Variants in STIM1 observed in about 807,000 individuals in gnomAD.
The protein encoded by STIM1 is stromal interaction molecule 1.
Under a neutral mutation model 74.7 loss-of-function variants are expected in STIM1, and 25 were observed. That is an observed-to-expected ratio of 0.33 (90% confidence interval 0.24 to 0.47). STIM1 has a LOEUF of 0.47. Ranked by LOEUF, STIM1 falls within the 20% of genes least tolerant of loss-of-function variation. The pLI, the probability that STIM1 is intolerant of heterozygous loss-of-function variation, is 1.00. For synonymous variants in STIM1, 328 were observed against 348.8 expected (o/e 0.94, Z 0.66); for missense variants, 728 against 920.8 (o/e 0.79, Z 2.71).
At position 4,041,779 on chromosome 11, in the gene STIM1, G is replaced by A. The variant is rs149769231; in HGVS notation, c.386-13747G>A. Among the ~76,000 whole-genome samples the A allele has an allele frequency of 4.0e-3, 603 of 152,112 alleles. 2 individuals are homozygous for A. The highest frequency in any genetic ancestry group is 0.014 in the African/African-American group (572 of 41,474). On this transcript the variant is annotated intron_variant, in intron 3 of 12. Coordinates refer to ENST00000526596, the MANE Select transcript of STIM1 (RefSeq NM_001382567.1). ...TAATTTTATTTTTTGTAGAGACGAG[G>A]TCTCACTTTGTTGCCCAGGCTGGTC... is the stretch of plus-strand genomic sequence containing the variant.
At chr11:3,872,096 A>G (rs2091119568) in intron 1 of STIM1, among the ~76,000 whole-genome samples, 1 of 152,124 alleles carries the variant, frequency 6.6e-6, no homozygotes, top group Non-Finnish European at 1.5e-5. Context: ...TCTGTCGCCC[A>G]GGCTGAAGCA....
At chr11:4,083,901 A>G (rs912322479) in intron 10 of STIM1, among the ~76,000 whole-genome samples, 2 of 152,206 alleles carry the variant, frequency 1.3e-5, no homozygotes, top group Admixed American at 6.5e-5. Context: ...AAGTAGATGA[A>G]TGGAATGATG....
At chr11:4,039,914 C>A (rs945436801) in intron 3 of STIM1, among the ~76,000 whole-genome samples, 3 of 151,878 alleles carry the variant, frequency 2.0e-5, no homozygotes, top group African/African-American at 7.3e-5. Context: ...TTTGCAGGTG[C>A]CCACGATGAC....
chr11:3,966,763 T>C (rs1182193987), intron 1 of STIM1, among the ~76,000 whole-genome samples: 1 of 152,228 alleles, frequency 6.6e-6, no homozygotes, highest in Non-Finnish European at 1.5e-5. Flanking sequence ...TTTCAGGCTC[T>C]TCCTATTGTG....
At chr11:3,956,895 A>T (rs114827545) in intron 1 of STIM1, among the ~76,000 whole-genome samples, 169 of 149,842 alleles carry the variant, frequency 1.1e-3, no homozygotes, top group African/African-American at 3.9e-3. Flanking sequence ...GAAAGCGAAG[A>T]TTTATTCATT....
intron 3 of STIM1, among the ~76,000 whole-genome samples, chr11:4,027,725 T>C (rs1565153165): frequency 6.6e-6 from 1 of 152,164 alleles, no homozygotes; most frequent in Non-Finnish European, 1.5e-5. Context: ...CAGATTGGCG[T>C]AGTGTGGATT....
At chr11:4,051,130 A>C (rs564036652) in intron 3 of STIM1, among the ~76,000 whole-genome samples, 1 of 152,272 alleles carries the variant, frequency 6.6e-6, no homozygotes, top group African/African-American at 2.4e-5. Flanking sequence ...GTATAAATGG[A>C]CCCAGGAAGT....
chr11:4,061,443 CT>C (rs1265667100), intron 5 of STIM1, among the ~76,000 whole-genome samples: 2 of 152,182 alleles, frequency 1.3e-5, no homozygotes, highest in African/African-American at 4.8e-5. Context: ...TAAGAATATA[CT>C]TCACACTGAC....
intron 2 of STIM1, among the ~76,000 whole-genome samples, chr11:4,014,878 C>CT (rs1348763140): frequency 3.3e-5 from 5 of 152,116 alleles, no homozygotes; most frequent in Admixed American, 6.5e-5. Context: ...GCAACCCCTG[C>CT]TTTTTATTGC....
chr11:3,890,413 C>G (rs1590531641), intron 1 of STIM1, among the ~76,000 whole-genome samples: 1 of 152,192 alleles, frequency 6.6e-6, no homozygotes, highest in East Asian at 1.9e-4. Context: ...GTCTTAAGAA[C>G]TTTTCTGTAT....
intron 1 of STIM1, among the ~76,000 whole-genome samples, chr11:3,908,382 G>A (rs1203234258): frequency 2.0e-5 from 3 of 152,196 alleles, no homozygotes; most frequent in Admixed American, 6.5e-5. Context: ...GGAGGCCAAG[G>A]CAGGTGAATC....
At chr11:4,085,283 C>A (rs1033382915) in intron 11 of STIM1, among the ~76,000 whole-genome samples, 1 of 152,178 alleles carries the variant, frequency 6.6e-6, no homozygotes, top group East Asian at 1.9e-4. Flanking sequence ...AGGCTTCGCT[C>A]ACCCTTGTAA....
intron 1 of STIM1, among the ~76,000 whole-genome samples, chr11:3,862,138 A>G (rs1016572857): frequency 2.0e-5 from 3 of 152,180 alleles, no homozygotes; most frequent in Admixed American, 2.0e-4. Context: ...TAAGATATAC[A>G]ACAAAGTATA....
At chr11:4,054,627 C>G (rs746441072) in intron 3 of STIM1, among the ~76,000 whole-genome samples, 1 of 152,174 alleles carries the variant, frequency 6.6e-6, no homozygotes, top group Non-Finnish European at 1.5e-5. Flanking sequence ...GCCTGATGAT[C>G]TAGGTGGAAC....
intron 1 of STIM1, among the ~76,000 whole-genome samples, chr11:3,876,681 T>C (rs1180466201): frequency 6.6e-6 from 1 of 152,154 alleles, no homozygotes; most frequent in Non-Finnish European, 1.5e-5. Context: ...AGTGATGGAA[T>C]TATGGGCCAC....
intron 2 of STIM1, among the ~76,000 whole-genome samples, chr11:4,006,510 G>A (rs1461331739): frequency 6.6e-6 from 1 of 152,170 alleles, no homozygotes; most frequent in Non-Finnish European, 1.5e-5. Flanking sequence ...TGTTTCCTGG[G>A]TTCAAGCGAT....
At chr11:4,019,777 A>G (rs187359402) in intron 2 of STIM1, among the ~76,000 whole-genome samples, 83 of 152,332 alleles carry the variant, frequency 5.4e-4, no homozygotes, top group African/African-American at 1.9e-3. Context: ...TCTCAAACAT[A>G]TATCATTTCT....
At chr11:3,914,008 A>T (rs2092605280) in intron 1 of STIM1, among the ~76,000 whole-genome samples, 1 of 151,974 alleles carries the variant, frequency 6.6e-6, no homozygotes, top group African/African-American at 2.4e-5. Context: ...TTATTCATTG[A>T]TAAGTATACA....
At chr11:3,944,980 C>T (rs1032361665) in intron 1 of STIM1, among the ~76,000 whole-genome samples, 2 of 152,186 alleles carry the variant, frequency 1.3e-5, no homozygotes, top group Non-Finnish European at 2.9e-5. Context: ...AGCAAGGCCC[C>T]TCCATATTCT....
Sources: allele counts gnomAD v4.1 joint callset (sites outside exome capture counted in the v4.1 genomes callset), GRCh38; gene constraint gnomAD v4.1.1; transcripts MANE v1.5; gene names NCBI Gene and HGNC (gene_info 2026-07-23, HGNC 2026-07-21).